Variants in SIPA1L1 observed in about 807,000 individuals in gnomAD.
The protein encoded by SIPA1L1 is signal-induced proliferation-associated 1-like protein 1.
A neutral mutation model predicts 162.7 loss-of-function variants in SIPA1L1; 26 were observed. The ratio of observed to expected loss-of-function variants is 0.16; its 90% confidence interval spans 0.12 to 0.22. The LOEUF (loss-of-function observed/expected upper bound fraction) is 0.22, where lower values mean the gene tolerates loss of function less well. Among genes scored for constraint, SIPA1L1 ranks in the 10% least tolerant of loss-of-function variants. SIPA1L1 has a pLI of 1.00. For missense variants in SIPA1L1, 1,874 were observed against 2,241.0 expected, an observed-to-expected ratio of 0.84 and a Z score of 3.31; for synonymous variants, 829 against 837.4, an observed-to-expected ratio of 0.99 and a Z score of 0.17.
intron 19 of SIPA1L1, among the ~76,000 whole-genome samples, chr14:71,728,773 G>A (rs963154946): frequency 1.3e-5 from 2 of 152,130 alleles, no homozygotes; most frequent in Non-Finnish European, 2.9e-5. Context: ...TTTCCCTATC[G>A]AGGCAGACAG....
chr14:71,387,732 G>C (rs1216613793), intron 2 of SIPA1L1, among the ~76,000 whole-genome samples: 1 of 152,202 alleles, frequency 6.6e-6, no homozygotes, highest in South Asian at 2.1e-4. Context: ...TGTTCTACAC[G>C]TGGAGAATTG....
intron 2 of SIPA1L1, among the ~76,000 whole-genome samples, chr14:71,373,214 G>A (rs1407480681): frequency 6.6e-6 from 1 of 151,886 alleles, no homozygotes; most frequent in Non-Finnish European, 1.5e-5. Flanking sequence ...GGGAGGCTGA[G>A]GCAGGAGAAT....
At chr14:71,485,462 T>C (rs1049408221) in intron 2 of SIPA1L1, among the ~76,000 whole-genome samples, 2 of 152,072 alleles carry the variant, frequency 1.3e-5, no homozygotes, top group Non-Finnish European at 2.9e-5. Context: ...TAGATTCTTA[T>C]AGGAGTGCAA....
At chr14:71,389,646 G>A (rs946769634) in intron 2 of SIPA1L1, among the ~76,000 whole-genome samples, 5 of 152,154 alleles carry the variant, frequency 3.3e-5, no homozygotes, top group African/African-American at 9.7e-5. Flanking sequence ...GGAATATTGA[G>A]TATATTTTTC....
intron 2 of SIPA1L1, among the ~76,000 whole-genome samples, chr14:71,485,637 A>G (rs1422390383): frequency 1.3e-5 from 2 of 152,082 alleles, no homozygotes; most frequent in Non-Finnish European, 2.9e-5. Flanking sequence ...GGTGAGTTGT[A>G]TAATTATTTT....
chr14:71,708,647 T>A (rs1026274180), intron 16 of SIPA1L1, among the ~76,000 whole-genome samples: 1 of 152,156 alleles, frequency 6.6e-6, no homozygotes, highest in African/African-American at 2.4e-5. Context: ...TTTTTGCATG[T>A]GAATATTCAG....
chr14:71,650,561 G>A (rs779353104), intron 8 of SIPA1L1, 52 bp downstream of exon 8: 30 of 1,529,800 alleles, frequency 2.0e-5, no homozygotes, highest in Non-Finnish European at 2.3e-5. Context: ...CTGTTGTGCT[G>A]TTGTGCATCT....
rs577705015 is a variant in SIPA1L1, at chr14:71,556,664, A to G, written c.-303+27294A>G. On this transcript the variant is annotated intron_variant, in intron 4 of 23. Transcript: ENST00000381232. The stretch of plus-strand genomic sequence containing the variant: ...TAGGGCAAGGTATCAGGGAAGGAGC[A>G]CGGAGCTTCCGTGCCCTCCTTTGGC... Among the ~76,000 whole-genome samples, 25 of 150,450 alleles carry G rather than the reference A, an allele frequency of 1.7e-4. No individual in the cohort carries two copies. In the South Asian group the frequency reaches 5.2e-3, roughly 31 times the overall value.
At chr14:71,513,164 A>C (rs1348000723) in intron 3 of SIPA1L1, among the ~76,000 whole-genome samples, 2 of 152,100 alleles carry the variant, frequency 1.3e-5, no homozygotes, top group Admixed American at 1.3e-4. Context: ...AAATCTTTTC[A>C]AGTATTTTAC....
At chr14:71,615,935 G>T (rs1374863432) in intron 5 of SIPA1L1, among the ~76,000 whole-genome samples, 2 of 152,368 alleles carry the variant, frequency 1.3e-5, no homozygotes, top group South Asian at 2.1e-4. Context: ...GGCAGAGGTT[G>T]CAGTGAGCCA....
intron 7 of SIPA1L1, among the ~76,000 whole-genome samples, chr14:71,629,500 G>GA (rs2040361631): frequency 6.6e-6 from 1 of 152,172 alleles, no homozygotes. Context: ...AATGGAAGAA[G>GA]AAACTGGAAT....
At chr14:71,639,402 C>T (rs1472523359) in intron 7 of SIPA1L1, among the ~76,000 whole-genome samples, 2 of 152,148 alleles carry the variant, frequency 1.3e-5, no homozygotes, top group African/African-American at 4.8e-5. Flanking sequence ...AGATTAAGTC[C>T]TGTCTCTAAG....
chr14:71,354,711 A>G (rs986498707), intron 2 of SIPA1L1, among the ~76,000 whole-genome samples: 1 of 152,188 alleles, frequency 6.6e-6, no homozygotes, highest in Non-Finnish European at 1.5e-5. Context: ...TTCTCTATGA[A>G]ATTTTAAAAT....
At chr14:71,450,361 T>C (rs909135500) in intron 2 of SIPA1L1, among the ~76,000 whole-genome samples, 1 of 152,196 alleles carries the variant, frequency 6.6e-6, no homozygotes, top group African/African-American at 2.4e-5. Context: ...TCTGTACTCA[T>C]TTATATAAAA....
chr14:71,521,837 A>G (rs911767167), intron 3 of SIPA1L1, among the ~76,000 whole-genome samples: 3 of 152,220 alleles, frequency 2.0e-5, no homozygotes, highest in African/African-American at 4.8e-5. Flanking sequence ...AATTTCAGCC[A>G]TTCCAGTGGG....
rs537133291 is a variant in SIPA1L1 at position 71,423,571 on chromosome 14, C to G, written c.-464-89172C>G. On this transcript the variant is annotated intron_variant, in intron 2 of 23. Coordinates refer to ENST00000381232, the MANE Select transcript of SIPA1L1 (RefSeq NM_001386936.1). ...CAGCACCATTTGTTGAAAGGACTGT[C>G]CTTTCCCCATTGAATGGTCTTGGCG... 1.1e-4 allele frequency among the ~76,000 whole-genome samples: 16 copies of G among 152,274 alleles called. No homozygotes were observed. In the South Asian group the frequency reaches 2.9e-3, roughly 28 times the overall value.
intron 17 of SIPA1L1, among the ~76,000 whole-genome samples, chr14:71,718,529 A>T (rs2083437284): frequency 6.6e-6 from 1 of 152,200 alleles, no homozygotes. Flanking sequence ...GAGCACTTGT[A>T]GTCCTGGCTA....
chr14:71,422,347 C>T (rs117642251), intron 2 of SIPA1L1, among the ~76,000 whole-genome samples: 210 of 152,200 alleles, frequency 1.4e-3, no homozygotes, highest in Non-Finnish European at 2.5e-3. Flanking sequence ...ACATCTTAAC[C>T]ATTTTCACCG....
intron 2 of SIPA1L1, among the ~76,000 whole-genome samples, chr14:71,403,956 C>T (rs2041861901): frequency 6.6e-6 from 1 of 152,158 alleles, no homozygotes; most frequent in Non-Finnish European, 1.5e-5. Context: ...AGCTTACTTT[C>T]CCTTGACTGC....
Sources: gnomAD v4.1 joint callset for allele counts (sites outside exome capture counted in the v4.1 genomes callset) on GRCh38, gnomAD v4.1.1 for gene constraint, MANE v1.5 for transcripts, NCBI Gene and HGNC (gene_info 2026-07-23, HGNC 2026-07-21) for gene names.